The following DCBLD1 variants were observed in gnomAD, a reference collection of about 807,000 sequenced individuals.
DCBLD1 encodes discoidin, CUB and LCCL domain-containing protein 1.
A neutral mutation model predicts 71.5 loss-of-function variants in DCBLD1; 57 were observed. The ratio of observed to expected loss-of-function variants is 0.80; its 90% CI spans 0.64 to 0.99. The LOEUF is 0.99. Among genes scored for constraint, DCBLD1 ranks in the 50% least tolerant of loss-of-function variants. DCBLD1 has a pLI of 0.00. For missense variants in DCBLD1, 891 were observed against 923.5 expected (o/e 0.96, Z 0.46); for synonymous variants, 380 against 363.8 (o/e 1.04, Z -0.51).
intron 7 of DCBLD1, among the ~76,000 whole-genome samples, chr6:117,538,187 T>C (rs762404941): frequency 6.6e-6 from 1 of 152,216 alleles, no homozygotes; most frequent in African/African-American, 2.4e-5. Context: ...AACTTACTGA[T>C]GTTCAGACGA....
chr6:117,503,745 C>A, intron 1 of DCBLD1, 22 bp from the exon 2 acceptor site: 1 of 1,611,688 alleles, frequency 6.2e-7, no homozygotes, highest in Admixed American at 1.7e-5. Flanking sequence ...TCTTTTATTC[C>A]CCCCTTCTTT....
chr6:117,542,679 T>C (rs1377281000), intron 11 of DCBLD1, among the ~76,000 whole-genome samples: 2 of 152,102 alleles, frequency 1.3e-5, no homozygotes, highest in African/African-American at 4.8e-5. Flanking sequence ...TCCAGACTAT[T>C]GTTATGGTAC....
At chr6:117,510,165 C>T (rs1362596209) in intron 2 of DCBLD1, among the ~76,000 whole-genome samples, 1 of 152,192 alleles carries the variant, frequency 6.6e-6, no homozygotes, top group Non-Finnish European at 1.5e-5. Flanking sequence ...TTGCTTTCTT[C>T]TTCACTCTCA....
intron 1 of DCBLD1, 142 bp downstream of exon 1, chr6:117,483,035 C>T (rs1451387261): frequency 1.1e-6 from 1 of 937,402 alleles, no homozygotes; most frequent in Non-Finnish European, 1.3e-6. Context: ...TCGGGCTCGC[C>T]GCCTGCCATC....
rs138942330 is a variant in DCBLD1 at position 117,503,783 on chromosome 6, C to G, written c.129C>G (p.His43Gln). 1 of 1,613,932 alleles carries G rather than the reference C, an allele frequency of 6.2e-7. No homozygotes were observed. The highest frequency in any genetic ancestry group is 8.5e-7 in the Non-Finnish European group (1 of 1,179,998). Residue 43 changes from histidine (H) to glutamine (Q), a missense_variant, in exon 2 of 15, where the codon CAC becomes CAG. His to Gln is a conservative substitution (Grantham distance 24, BLOSUM62 0). Coordinates refer to ENST00000338728, the MANE Select transcript of DCBLD1 (RefSeq NM_001366458.2). ...QAEELGDGCG[H>Q]LVTYQDSGTM... ...CTTTACCAGGTGATGGCTGTGGACA[C>G]CTAGTGACTTATCAGGATAGTGGCA... is the stretch of plus-strand genomic sequence containing the variant.
At chr6:117,556,249 G>T (rs1779494107) in intron 14 of DCBLD1, among the ~76,000 whole-genome samples, 2 of 152,260 alleles carry the variant, frequency 1.3e-5, no homozygotes, top group South Asian at 2.1e-4. Flanking sequence ...TTAGGGGGTA[G>T]AAGTGCAGGT....
At chr6:117,545,765 T>C (rs558096326) in intron 14 of DCBLD1, among the ~76,000 whole-genome samples, 168 bp downstream of exon 14, 1 of 152,332 alleles carries the variant, frequency 6.6e-6, no homozygotes, top group Admixed American at 6.5e-5. Flanking sequence ...GACACTGAGA[T>C]ATTACTTAAA....
At chr6:117,551,789 G>A (rs569132556), downstream of DCBLD1, among the ~76,000 whole-genome samples, 12 of 152,222 alleles carry the variant, frequency 7.9e-5, no homozygotes, top group Non-Finnish European at 1.5e-4. Context: ...TTAGTCCGCC[G>A]TCTTGCTGGA....
intron 1 of DCBLD1, among the ~76,000 whole-genome samples, chr6:117,500,238 C>A (rs1202232862): frequency 6.6e-6 from 1 of 152,224 alleles, no homozygotes; most frequent in East Asian, 1.9e-4. Flanking sequence ...TTATATTAGT[C>A]TTGCCACAGA....
intron 14 of DCBLD1, 22 bp from the exon 15 acceptor site, chr6:117,547,885 G>A (rs1265090296): frequency 6.4e-7 from 1 of 1,550,424 alleles, no homozygotes; most frequent in Non-Finnish European, 8.7e-7. Flanking sequence ...CCCGCTAGCT[G>A]CCATCTGTCT....
intron 2 of DCBLD1, among the ~76,000 whole-genome samples, chr6:117,519,143 C>A (rs1003165073): frequency 2.0e-5 from 3 of 152,092 alleles, no homozygotes; most frequent in African/African-American, 7.2e-5. Flanking sequence ...ATTTTAAGCT[C>A]CAAATGTAAT....
At chr6:117,491,656 A>G (rs1325194222) in intron 1 of DCBLD1, among the ~76,000 whole-genome samples, 1 of 152,162 alleles carries the variant, frequency 6.6e-6, no homozygotes, top group Non-Finnish European at 1.5e-5. Context: ...GCTATCCTAA[A>G]CATGTCTTCT....
rs1562127676 is a variant in DCBLD1, at chr6:117,548,361, CG to C, written c.2073del (p.Thr692ArgfsTer20). On this transcript the variant is annotated frameshift_variant, in exon 15 of 15. Coordinates refer to ENST00000338728, the MANE Select transcript of DCBLD1 (RefSeq NM_001366458.2). LOFTEE classifies it high-confidence loss of function. ...PDSQKPPTHP[G>X]TSDSYSAPRD... ...ACTCTCAGAAGCCCCCAACGCATCC[CG>C]GGACGAGTGACAGCTATTCTGCCCC... 6.4e-7 allele frequency: 1 copy of C among 1,550,720 alleles called. No individual in the cohort carries two copies. The highest frequency in any genetic ancestry group is 2.0e-5 in the Admixed American group (1 of 51,012).
intron 1 of DCBLD1, among the ~76,000 whole-genome samples, chr6:117,501,133 A>G (rs1777643954): frequency 6.6e-6 from 1 of 152,076 alleles, no homozygotes; most frequent in Non-Finnish European, 1.5e-5. Context: ...TGAGATGCAT[A>G]TTTGTTTGTA....
At chr6:117,525,752 C>G (rs970267712) in intron 5 of DCBLD1, among the ~76,000 whole-genome samples, 1 of 152,168 alleles carries the variant, frequency 6.6e-6, no homozygotes, top group Admixed American at 6.5e-5. Context: ...AACATTCCAA[C>G]TGGTTCCTGT....
intron 5 of DCBLD1, among the ~76,000 whole-genome samples, chr6:117,531,466 A>G (rs1052209763): frequency 2.6e-5 from 4 of 152,122 alleles, no homozygotes; most frequent in African/African-American, 9.7e-5. Flanking sequence ...GCCGATTCCA[A>G]TCCCACAACC....
rs771049437 is a variant in DCBLD1 at position 117,544,524 on chromosome 6, A to C, written c.1446-4A>C. 2 of 1,613,344 alleles carry C rather than the reference A, an allele frequency of 1.2e-6. No homozygotes were observed. Among genetic ancestry groups the C allele is most frequent in the Non-Finnish European group, 1.7e-6 (2 of 1,179,862 alleles). On this transcript the variant is annotated splice_region_variant and splice_polypyrimidine_tract_variant and intron_variant, in intron 12 of 14. Coordinates refer to ENST00000338728, the MANE Select transcript of DCBLD1 (RefSeq NM_001366458.2). ...ATATTCAGTAGGACTTTTTGTCTTG[A>C]TAGGAAGAAGAAGAAAGGAAGTCCG...
chr6:117,509,956 G>T (rs1163741804), intron 2 of DCBLD1, among the ~76,000 whole-genome samples: 1 of 152,166 alleles, frequency 6.6e-6, no homozygotes, highest in Non-Finnish European at 1.5e-5. Flanking sequence ...GCCACTGCCA[G>T]TCTACGTCTT....
intron 5 of DCBLD1, among the ~76,000 whole-genome samples, chr6:117,527,483 A>G (rs1778581404): frequency 6.6e-6 from 1 of 152,220 alleles, no homozygotes; most frequent in South Asian, 2.1e-4. Flanking sequence ...GCTGTTGAAG[A>G]AGGAGGTACC....
Sources: gnomAD v4.1 joint callset for allele counts (sites outside exome capture counted in the v4.1 genomes callset) on GRCh38, gnomAD v4.1.1 for gene constraint, MANE v1.5 for transcripts, NCBI Gene and HGNC (gene_info 2026-07-23, HGNC 2026-07-21) for gene names.